Variants in CDK14 observed in about 807,000 individuals in gnomAD.
CDK14 encodes the protein cyclin dependent kinase 14, also known as cyclin-dependent kinase 14.
In CDK14, 34 loss-of-function variants were observed where a neutral mutation model predicts 60.7. The ratio of observed to expected loss-of-function variants is 0.56; its 90% CI spans 0.43 to 0.75. The LOEUF (loss-of-function observed/expected upper bound fraction) is 0.75, where lower values mean the gene tolerates loss of function less well. CDK14 is among the 30% of genes least tolerant of loss of function. The pLI is 0.00. For missense variants in CDK14, 482 were observed against 564.1 expected, an observed-to-expected ratio of 0.85 and a Z score of 1.47; for synonymous variants, 197 against 203.7, an observed-to-expected ratio of 0.97 and a Z score of 0.28.
intron 10 of CDK14, among the ~76,000 whole-genome samples, chr7:91,015,251 A>G (rs1317551704): frequency 2.0e-5 from 3 of 151,970 alleles, no homozygotes; most frequent in Non-Finnish European, 2.9e-5. Flanking sequence ...TCTTTCCTTG[A>G]GCATTAACTC....
At chr7:90,653,710 G>A (rs1018285114) in intron 2 of CDK14, among the ~76,000 whole-genome samples, 2 of 152,064 alleles carry the variant, frequency 1.3e-5, no homozygotes, top group Non-Finnish European at 2.9e-5. Flanking sequence ...GGGTACATGT[G>A]CACAATGTGC....
In CDK14 at chr7:90,715,042, A is replaced by T. The variant is rs560352124; in HGVS notation, c.124-11525A>T. ...GAATTCAGATCCTAAAGGATCAGTC[A>T]TATCTCCAGTAGTGTTTTCTCTTCA... is the stretch of plus-strand genomic sequence containing the variant. On this transcript the variant is annotated intron_variant, in intron 2 of 14. Coordinates refer to ENST00000380050, the MANE Select transcript of CDK14 (RefSeq NM_001287135.2). 2.8e-4 allele frequency among the ~76,000 whole-genome samples: 43 copies of T among 152,170 alleles called. 1 individual carries two copies. Among genetic ancestry groups the T allele is most frequent in the Admixed American group, 5.2e-4 (8 of 15,262 alleles).
chr7:90,876,797 A>G (rs992512791), intron 6 of CDK14, among the ~76,000 whole-genome samples: 2 of 152,250 alleles, frequency 1.3e-5, no homozygotes, highest in Admixed American at 1.3e-4. Flanking sequence ...GCCATTATGT[A>G]AACCAATGTA....
At chr7:91,162,100 G>A (rs531693283) in intron 14 of CDK14, among the ~76,000 whole-genome samples, 1 of 152,180 alleles carries the variant, frequency 6.6e-6, no homozygotes, top group Non-Finnish European at 1.5e-5. Context: ...ACATAAAAGT[G>A]TACAGTCACT....
chr7:90,649,236 G>GTTTCTTTCTTTC (rs1167505193), intron 2 of CDK14, among the ~76,000 whole-genome samples: 25 of 118,858 alleles, frequency 2.1e-4, no homozygotes, highest in South Asian at 9.1e-4. Context: ...CTAGCCTATA[G>GTTTCTTTCTTTC]TTTCTTTCTT....
chr7:90,917,677 A>G lies in CDK14; in HGVS notation c.779A>G (p.Gln260Arg). Residue 260 changes from glutamine (Q) to arginine (R), a missense_variant, in exon 8 of 15, where the codon CAG (glutamine) becomes CGG (arginine). Physicochemically the swap from Gln to Arg is conservative, Grantham distance 43. Coordinates refer to ENST00000380050, the MANE Select transcript of CDK14 (RefSeq NM_001287135.2). The stretch of plus-strand genomic sequence containing the variant: ...ATTTTGCACAGAGACCTGAAACCAC[A>G]GAACCTTCTGATCAGTGACACGGGG... ...RYILHRDLKP[Q>R]NLLISDTGEL... 2.5e-6 allele frequency: 4 copies of G among 1,613,766 alleles called. No individual in the cohort carries two copies. The highest frequency in any genetic ancestry group is 3.4e-6 in the Non-Finnish European group (4 of 1,179,714).
chr7:90,626,757 T>C (rs952324268), intron 2 of CDK14, among the ~76,000 whole-genome samples: 13 of 152,044 alleles, frequency 8.6e-5, no homozygotes, highest in African/African-American at 2.7e-4. Flanking sequence ...CTGGGCAATA[T>C]AGTGAAACCT....
At chr7:90,939,250 T>C (rs1793843896) in intron 8 of CDK14, among the ~76,000 whole-genome samples, 1 of 152,206 alleles carries the variant, frequency 6.6e-6, no homozygotes, top group Non-Finnish European at 1.5e-5. Context: ...ACTGACAAGA[T>C]GGGAATATTT....
intron 2 of CDK14, among the ~76,000 whole-genome samples, chr7:90,667,202 C>T (rs1800999300): frequency 6.6e-6 from 1 of 152,132 alleles, no homozygotes; most frequent in Non-Finnish European, 1.5e-5. Context: ...GGGACATTGC[C>T]TGGTATGACC....
intron 5 of CDK14, among the ~76,000 whole-genome samples, chr7:90,801,842 A>G (rs1788645607): frequency 1.3e-5 from 2 of 152,198 alleles, no homozygotes; most frequent in African/African-American, 4.8e-5. Flanking sequence ...ATCTTTGGTT[A>G]TAACTGAAAT....
At chr7:90,989,169 C>A (rs775010043) in intron 10 of CDK14, among the ~76,000 whole-genome samples, 3 of 152,082 alleles carry the variant, frequency 2.0e-5, no homozygotes, top group Non-Finnish European at 2.9e-5. Flanking sequence ...TTGTTTCCTC[C>A]ACATGGCTCC....
At chr7:90,685,172 C>G (rs1801407145) in intron 2 of CDK14, among the ~76,000 whole-genome samples, 1 of 151,994 alleles carries the variant, frequency 6.6e-6, no homozygotes. Context: ...AATTCATCCT[C>G]TCTTTTCTTT....
chr7:90,933,722 A>G (rs921159861), intron 8 of CDK14, among the ~76,000 whole-genome samples: 1 of 152,206 alleles, frequency 6.6e-6, no homozygotes, highest in African/African-American at 2.4e-5. Context: ...TAAGACAAGG[A>G]CAGAGACAGG....
At chr7:90,624,161 T>C (rs1187439861) in intron 2 of CDK14, among the ~76,000 whole-genome samples, 1 of 152,250 alleles carries the variant, frequency 6.6e-6, no homozygotes, top group East Asian at 1.9e-4. Flanking sequence ...CAGGCCACAG[T>C]CTTCTGTTCT....
intron 7 of CDK14, among the ~76,000 whole-genome samples, chr7:90,909,678 G>C (rs1792828052): frequency 1.3e-5 from 2 of 152,228 alleles, no homozygotes; most frequent in Middle Eastern, 6.8e-3. Flanking sequence ...AGTAGAAAGA[G>C]AGTGTGGAAT....
chr7:91,173,266 TCCTCATTCA>T (rs1202909803), intron 14 of CDK14, among the ~76,000 whole-genome samples: 2 of 152,158 alleles, frequency 1.3e-5, no homozygotes, highest in African/African-American at 4.8e-5. Flanking sequence ...AGAGAAGTCA[TCCTCATTCA>T]CCTCATTAAG....
chr7:90,794,611 A>G (rs1247742358), intron 5 of CDK14, among the ~76,000 whole-genome samples: 1 of 152,232 alleles, frequency 6.6e-6, no homozygotes, highest in East Asian at 1.9e-4. Context: ...TCAGGCAGCC[A>G]GACCTAATAG....
intron 5 of CDK14, 99 bp downstream of exon 5, chr7:90,790,751 C>T (rs1350500059): frequency 5.8e-6 from 4 of 692,736 alleles, no homozygotes; most frequent in African/African-American, 3.6e-5. Flanking sequence ...TTTAAAATTA[C>T]AGGATTGTAT....
chr7:90,681,795 G>C (rs1354591648), intron 2 of CDK14, among the ~76,000 whole-genome samples: 2 of 152,092 alleles, frequency 1.3e-5, no homozygotes, highest in Non-Finnish European at 2.9e-5. Context: ...TATGAAACCT[G>C]ATACTGGAAT....
Sources: gnomAD v4.1 joint callset for allele counts (sites outside exome capture counted in the v4.1 genomes callset) on GRCh38, gnomAD v4.1.1 for gene constraint, MANE v1.5 for transcripts, NCBI Gene and HGNC (gene_info 2026-07-23, HGNC 2026-07-21) for gene names.